Variants in MACROD2 observed in about 807,000 individuals in gnomAD.
MACROD2 encodes ADP-ribose glycohydrolase MACROD2.
A neutral mutation model predicts 70.4 loss-of-function variants in MACROD2; 36 were observed. The observed-to-expected ratio is 0.51, with a 90% CI of 0.39 to 0.68. MACROD2 has a LOEUF of 0.68. MACROD2 is among the 30% of genes least tolerant of loss of function. MACROD2 has a pLI of 0.00. For synonymous variants in MACROD2, 172 were observed against 178.8 expected, an observed-to-expected ratio of 0.96 and a Z score of 0.30; for missense variants, 496 against 538.4, an observed-to-expected ratio of 0.92 and a Z score of 0.78.
At chr20:14,767,318 A>C (rs1454588915) in intron 5 of MACROD2, among the ~76,000 whole-genome samples, 1 of 152,134 alleles carries the variant, frequency 6.6e-6, no homozygotes, top group Non-Finnish European at 1.5e-5. Context: ...TAAAAGGATT[A>C]ATTTTTTTTT....
At position 15,196,240 on chromosome 20, in the gene MACROD2, TA is replaced by T. The variant is rs567124542; in HGVS notation, c.419-33696del. 2.5e-3 allele frequency among the ~76,000 whole-genome samples: 382 copies of T among 150,324 alleles called. 2 individuals are homozygous for T. Among genetic ancestry groups the T allele is most frequent in the African/African-American group, 8.9e-3 (362 of 40,806 alleles). ...TATCCTGCATGTGTACCCCTGAACT[TA>T]AAATAGAAGTTGAAGATTAAAAAAT... is the stretch of plus-strand genomic sequence containing the variant. On this transcript the variant is annotated intron_variant, in intron 5 of 17. Transcript: ENST00000684519.
chr20:16,047,793 T>C (rs2067403993), intron 17 of MACROD2, among the ~76,000 whole-genome samples: 1 of 152,218 alleles, frequency 6.6e-6, no homozygotes, highest in Admixed American at 6.5e-5. Flanking sequence ...AGATTGTTGA[T>C]ACAGAGACAG....
chr20:14,006,932 C>T (rs1304811321), intron 2 of MACROD2, among the ~76,000 whole-genome samples: 1 of 152,026 alleles, frequency 6.6e-6, no homozygotes, highest in Non-Finnish European at 1.5e-5. Context: ...GATTATTGTA[C>T]ATCTTTTTGC....
chr20:16,014,296 A>G lies in MACROD2; in HGVS notation c.1154-26905A>G, dbSNP rs945951430. 7.9e-5 allele frequency among the ~76,000 whole-genome samples: 12 copies of G among 152,302 alleles called. No individual in the cohort carries two copies. The South Asian group carries it at 2.5e-3, about 32-fold the overall frequency. The stretch of plus-strand genomic sequence containing the variant: ...TAACTTCTTCAAGCCTCAGCTTCTC[A>G]CCTACAAAGTTGGGATTGGGTGTTT... On this transcript the variant is annotated intron_variant, in intron 15 of 17. Transcript: ENST00000684519.
At chr20:15,710,194 C>CAAAAAAAAAAAAAAAAAAAAAAAAAA (rs67656339) in intron 8 of MACROD2, among the ~76,000 whole-genome samples, 1 of 102,688 alleles carries the variant, frequency 9.7e-6, no homozygotes, top group Non-Finnish European at 1.9e-5. Context: ...ATCAAAAAGA[C>CAAAAAAAAAAAAAAAAAAAAAAAAAA]AAAAAAAAAA....
chr20:14,058,794 C>T (rs1351285131), intron 2 of MACROD2, among the ~76,000 whole-genome samples: 6 of 151,954 alleles, frequency 3.9e-5, no homozygotes, highest in African/African-American at 1.2e-4. Flanking sequence ...CAGGCATGTG[C>T]CACCACACCC....
intron 5 of MACROD2, among the ~76,000 whole-genome samples, chr20:15,039,426 A>G (rs556703937): frequency 6.6e-6 from 1 of 152,268 alleles, no homozygotes; most frequent in Admixed American, 6.5e-5. Context: ...TGTAGTTTCT[A>G]TGACACACCT....
chr20:14,074,827 G>C (rs1024513005), intron 2 of MACROD2, among the ~76,000 whole-genome samples: 1 of 152,116 alleles, frequency 6.6e-6, no homozygotes, highest in Non-Finnish European at 1.5e-5. Flanking sequence ...GAAAATATTA[G>C]GTAGAAAATT....
chr20:15,629,470 ATATTTCTCTTAAAATTC>A (rs536970904), intron 8 of MACROD2, among the ~76,000 whole-genome samples: 8 of 152,308 alleles, frequency 5.3e-5, no homozygotes, highest in Admixed American at 5.2e-4. Flanking sequence ...AATACGTGGG[ATATTTCTCTTAAAATTC>A]TACTGAAGCT....
At chr20:14,085,844 A>G (rs1306116058) in intron 3 of MACROD2, 116 bp downstream of exon 3, 6 of 546,520 alleles carry the variant, frequency 1.1e-5, no homozygotes. Flanking sequence ...AGAAATGTCT[A>G]TTCTGTTTCT....
intron 2 of MACROD2, among the ~76,000 whole-genome samples, chr20:14,032,806 T>C (rs2053261172): frequency 6.6e-6 from 1 of 152,170 alleles, no homozygotes; most frequent in African/African-American, 2.4e-5. Flanking sequence ...AGTTTCTTCA[T>C]TGGTAAAGTG....
At chr20:14,712,999 G>C (rs998025982) in intron 5 of MACROD2, among the ~76,000 whole-genome samples, 24 of 152,070 alleles carry the variant, frequency 1.6e-4, no homozygotes, top group African/African-American at 5.1e-4. Context: ...AAGAAAGACG[G>C]AGAAAGAAGA....
At chr20:14,902,358 T>C (rs2073904703) in intron 5 of MACROD2, among the ~76,000 whole-genome samples, 1 of 152,170 alleles carries the variant, frequency 6.6e-6, no homozygotes, top group Non-Finnish European at 1.5e-5. Flanking sequence ...AGGCAGAGAA[T>C]AGGTCAGCCA....
rs550801398 is a variant in MACROD2, at chr20:14,372,739, G to C, written c.272-120740G>C. Among the ~76,000 whole-genome samples, 1,056 of 152,014 alleles carry C rather than the reference G, an allele frequency of 6.9e-3. 7 individuals are homozygous for C. Among genetic ancestry groups the C allele is most frequent in the Middle Eastern group, 0.02 (6 of 294 alleles). ...TGTTTTTTTTGGAGAGTTCCACTAG[G>C]CATTTCTCCACATGGCTATCTACTT... On this transcript the variant is annotated intron_variant, in intron 3 of 17. Transcript: ENST00000684519.
intron 5 of MACROD2, among the ~76,000 whole-genome samples, chr20:14,847,124 G>T (rs912023345): frequency 6.6e-6 from 1 of 151,850 alleles, no homozygotes; most frequent in Non-Finnish European, 1.5e-5. Flanking sequence ...TTTATTATTG[G>T]TTACTTTAAA....
intron 5 of MACROD2, among the ~76,000 whole-genome samples, chr20:14,768,829 T>G (rs893454384): frequency 3.9e-5 from 6 of 152,080 alleles, no homozygotes; most frequent in Non-Finnish European, 7.4e-5. Flanking sequence ...TATTCCTGAG[T>G]GAACAGCCAT....
At chr20:15,340,793 CATGCTTACT>C (rs2078103090) in intron 6 of MACROD2, among the ~76,000 whole-genome samples, 1 of 151,694 alleles carries the variant, frequency 6.6e-6, no homozygotes, top group Non-Finnish European at 1.5e-5. Flanking sequence ...TTTTGCCCTC[CATGCTTACT>C]ATTCTCCTTC....
chr20:14,562,041 A>G (rs79081941), intron 4 of MACROD2, among the ~76,000 whole-genome samples: 3,598 of 152,054 alleles, frequency 0.024, 59 homozygotes, highest in Admixed American at 0.037. Flanking sequence ...ATTCAACAGG[A>G]GACATGTTAC....
At chr20:14,010,317 TCATTGTCTTAA>T (rs938794152) in intron 2 of MACROD2, among the ~76,000 whole-genome samples, 8 of 152,120 alleles carry the variant, frequency 5.3e-5, no homozygotes, top group African/African-American at 1.7e-4. Context: ...GTCTTCATCT[TCATTGTCTTAA>T]CATTGAATAG....
Sources: allele counts gnomAD v4.1 joint callset (sites outside exome capture counted in the v4.1 genomes callset), GRCh38; gene constraint gnomAD v4.1.1; transcripts MANE v1.5; gene names NCBI Gene and HGNC (gene_info 2026-07-23, HGNC 2026-07-21).